Variants in COL18A1 observed in about 807,000 individuals in gnomAD.
The protein encoded by COL18A1 is collagen alpha-1(XVIII) chain.
Under a neutral mutation model 168.0 loss-of-function variants are expected in COL18A1, and 133 were observed. The observed-to-expected ratio is 0.79, with a 90% CI of 0.69 to 0.91. COL18A1 has a LOEUF of 0.91. Ranked by LOEUF, COL18A1 falls within the 40% of genes least tolerant of loss-of-function variation. COL18A1 has a pLI of 0.00. For synonymous variants in COL18A1, 949 were observed against 809.0 expected, an observed-to-expected ratio of 1.17 and a Z score of -2.94; for missense variants, 2,126 against 1,925.4, an observed-to-expected ratio of 1.10 and a Z score of -1.95.
intron 2 of COL18A1, among the ~76,000 whole-genome samples, chr21:45,407,119 G>A (rs1284586556): frequency 6.6e-6 from 1 of 151,994 alleles, no homozygotes; most frequent in African/African-American, 2.4e-5. Context: ...CAGGCTCCAG[G>A]CCACCCGCAG....
chr21:45,431,953 T>C (rs1316285391), intron 2 of COL18A1, among the ~76,000 whole-genome samples: 1 of 152,146 alleles, frequency 6.6e-6, no homozygotes, highest in Non-Finnish European at 1.5e-5. Flanking sequence ...CTCTCATTCC[T>C]GCCCCATTGC....
At chr21:45,436,734 G>A (rs975896700) in intron 2 of COL18A1, among the ~76,000 whole-genome samples, 4 of 151,900 alleles carry the variant, frequency 2.6e-5, no homozygotes, top group Non-Finnish European at 5.9e-5. Context: ...CTAGAAGGAG[G>A]GAGCCGTGGC....
intron 6 of COL18A1, 101 bp downstream of exon 6, chr21:45,476,581 G>A: frequency 7.1e-7 from 1 of 1,398,968 alleles, no homozygotes; most frequent in Non-Finnish European, 9.9e-7. Context: ...TGTATGGTGT[G>A]TGTAGTGTGT....
chr21:45,496,389 G>C, intron 29 of COL18A1, 111 bp from the exon 30 acceptor site: 1 of 775,888 alleles, frequency 1.3e-6, no homozygotes, highest in African/African-American at 1.7e-5. Flanking sequence ...CCTGGTCAGA[G>C]GTCTGCCTGG....
At position 45,487,436 on chromosome 21, in the gene COL18A1, GTC is replaced by G; in HGVS notation, c.1834-7_1834-6del. On this transcript the variant is annotated splice_polypyrimidine_tract_variant and intron_variant, in intron 16 of 41. Coordinates refer to ENST00000651438, the MANE Select transcript of COL18A1 (RefSeq NM_001379500.1). ...ACACAGGCCCCTACGTGTCTCGTGT[GTC>G]TCTTCCAGGATGACATGGAAGGCTC... 1.2e-6 allele frequency: 2 copies of G among 1,612,642 alleles called. No homozygotes were observed. Among genetic ancestry groups the G allele is most frequent in the Non-Finnish European group, 1.7e-6 (2 of 1,179,988 alleles).
intron 32 of COL18A1, among the ~76,000 whole-genome samples, chr21:45,503,291 T>C (rs1224094635): frequency 2.0e-5 from 3 of 152,286 alleles, no homozygotes; most frequent in South Asian, 2.1e-4. Context: ...TATCTCATTG[T>C]GGTTTTGATT....
intron 2 of COL18A1, among the ~76,000 whole-genome samples, chr21:45,411,682 C>T (rs548092551): frequency 4.7e-5 from 7 of 149,046 alleles, no homozygotes; most frequent in South Asian, 2.2e-4. Context: ...GCACCCTTAT[C>T]GCTGACACAG....
At chr21:45,451,846 G>GGGCC (rs1377398800) in intron 2 of COL18A1, among the ~76,000 whole-genome samples, 3 of 152,156 alleles carry the variant, frequency 2.0e-5, no homozygotes, top group Non-Finnish European at 4.4e-5. Context: ...CGGGATCCAT[G>GGGCC]GGCCCTCTTC....
rs547651409 is a variant in COL18A1, at chr21:45,495,645, C to T, written c.2508+213C>T. 2.1e-3 allele frequency: 1,176 copies of T among 568,428 alleles called. 5 individuals are homozygous for T. Among genetic ancestry groups the T allele is most frequent in the South Asian group, 7.0e-3 (377 of 54,060 alleles). The allele number at this position is 568,428 out of a possible 1,614,324, so 35.2% of individuals were successfully genotyped here. Reference sequence around the variant, plus strand: ...CCAAACATGCATGCACATATATGGCCGTACTCATACATGTGTGCACATATA... The same window carrying T: ...CCAAACATGCATGCACATATATGGCTGTACTCATACATGTGTGCACATATA... On this transcript the variant is annotated intron_variant, in intron 29 of 41. Coordinates refer to ENST00000651438, the MANE Select transcript of COL18A1 (RefSeq NM_001379500.1).
chr21:45,456,018 A>G (rs1419961798), intron 2 of COL18A1: 4 of 1,612,238 alleles, frequency 2.5e-6, no homozygotes, highest in South Asian at 2.2e-5. Context: ...ACCCCCCAGG[A>G]GAATGGGACC....
rs1156370859 is a variant in COL18A1 at position 45,477,983 on chromosome 21, C to T, written c.1221+18C>T. 2 of 1,335,890 alleles carry T rather than the reference C, an allele frequency of 1.5e-6. No individual in the cohort carries two copies. Among genetic ancestry groups the T allele is most frequent in the Non-Finnish European group, 1.0e-6 (1 of 955,242 alleles). The allele number at this position is 1,335,890 out of a possible 1,614,324, so 82.8% of individuals were successfully genotyped here. ...GCGAGCCGGTGAGTCCTCACGTCCC[C>T]CCGAGTCCGGCCCGGTCTGGAGGGT... is the stretch of plus-strand genomic sequence containing the variant. On this transcript the variant is annotated intron_variant, in intron 8 of 41. Transcript: ENST00000651438.
intron 2 of COL18A1, among the ~76,000 whole-genome samples, chr21:45,461,145 G>C (rs1166424038): frequency 1.3e-5 from 2 of 152,104 alleles, no homozygotes; most frequent in Non-Finnish European, 2.9e-5. Context: ...GTGTACATTA[G>C]ACCTCTAGAA....
chr21:45,478,101 G>A (rs1041640151), intron 8 of COL18A1, 136 bp downstream of exon 8: 54 of 736,106 alleles, frequency 7.3e-5, no homozygotes, highest in African/African-American at 5.0e-4. Context: ...TAGGCCCACC[G>A]TTGCTCGGGG....
At chr21:45,446,655 G>A (rs1036661260) in intron 2 of COL18A1, among the ~76,000 whole-genome samples, 12 of 152,268 alleles carry the variant, frequency 7.9e-5, no homozygotes, top group Middle Eastern at 3.4e-3. Context: ...CATTTTATGA[G>A]ACCAATATTA....
At chr21:45,504,812 C>T (rs911559123) in intron 34 of COL18A1, among the ~76,000 whole-genome samples, 2 of 152,152 alleles carry the variant, frequency 1.3e-5, no homozygotes, top group East Asian at 1.9e-4. Context: ...GCATCCACCT[C>T]TGCTCCTGGG....
rs2035732675 is a variant in COL18A1 at position 45,477,812 on chromosome 21, C to T, written c.1068C>T (p.Pro356=). ...CGGGCCCACCTGGCCGGGCAGGCCCCCCAGGATCCCCATGCCTACCTGGTC... is the reference window on the plus strand; with the variant it reads ...CGGGCCCACCTGGCCGGGCAGGCCCTCCAGGATCCCCATGCCTACCTGGTC... ...GVPGPPGRAG[P]PGSPCLPGPP... The change falls in exon 8 of 42, where the codon CCC becomes CCT. Residue 356 remains proline (P), a synonymous_variant. Coordinates refer to ENST00000651438, the MANE Select transcript of COL18A1 (RefSeq NM_001379500.1). 1.3e-6 allele frequency: 2 copies of T among 1,551,176 alleles called. No homozygotes were observed. The highest frequency in any genetic ancestry group is 1.7e-6 in the Non-Finnish European group (2 of 1,147,374).
In COL18A1 at chr21:45,476,335, C is replaced by T. The variant is rs1337641279; in HGVS notation, c.799-16C>T. The T allele has an allele frequency of 1.2e-6, 2 of 1,613,846 alleles. No individual in the cohort carries two copies. The highest frequency in any genetic ancestry group is 2.2e-5 in the East Asian group (1 of 44,884). ...TGCCGGCCGAATAACAGGCCACCTC[C>T]CCTCTCGTCCTCCAGGGCGCGGCCC... On this transcript the variant is annotated splice_polypyrimidine_tract_variant and intron_variant, in intron 5 of 41. Coordinates refer to ENST00000651438, the MANE Select transcript of COL18A1 (RefSeq NM_001379500.1).
chr21:45,478,732 T>A (rs1362068001), intron 9 of COL18A1, among the ~76,000 whole-genome samples: 2 of 152,024 alleles, frequency 1.3e-5, no homozygotes. Flanking sequence ...CCGAGCTTCG[T>A]CGCAAAACAC....
chr21:45,421,510 C>G (rs145498963), intron 2 of COL18A1: 1 of 534,634 alleles, frequency 1.9e-6, no homozygotes, highest in Non-Finnish European at 3.8e-6. Flanking sequence ...AGGCTCCACG[C>G]GGGTCAGCAG....
Sources: gnomAD v4.1 joint callset for allele counts (sites outside exome capture counted in the v4.1 genomes callset) on GRCh38, gnomAD v4.1.1 for gene constraint, MANE v1.5 for transcripts, NCBI Gene and HGNC (gene_info 2026-07-23, HGNC 2026-07-21) for gene names.